The following GLT1D1 variants were observed in gnomAD, a reference collection of about 807,000 sequenced individuals.
GLT1D1 encodes glycosyltransferase 1 domain-containing protein 1.
GLT1D1 carries 21 observed loss-of-function variants against 28.7 expected under a neutral mutation model. The observed-to-expected ratio is 0.73, with a 90% CI of 0.52 to 1.05. The LOEUF (loss-of-function observed/expected upper bound fraction) is 1.05, where lower values mean the gene tolerates loss of function less well. GLT1D1 is among the 50% of genes least tolerant of loss of function. The pLI is 0.00. For missense variants in GLT1D1, 343 were observed against 330.6 expected, an observed-to-expected ratio of 1.04 and a Z score of -0.29; for synonymous variants, 147 against 124.8, an observed-to-expected ratio of 1.18 and a Z score of -1.19.
intron 2 of GLT1D1, among the ~76,000 whole-genome samples, chr12:128,881,228 A>C (rs970043184): frequency 6.1e-4 from 61 of 100,164 alleles, no homozygotes; most frequent in African/African-American, 2.8e-3. Context: ...CGTTTCAAAA[A>C]AAAAAAAAAA....
intron 1 of GLT1D1, 87 bp from the exon 2 acceptor site, chr12:128,875,822 CAAAAA>C: frequency 9.9e-7 from 1 of 1,012,628 alleles, no homozygotes; most frequent in Non-Finnish European, 1.4e-6. Context: ...CAACAACAAC[CAAAAA>C]AAAAAAAAGT....
intron 3 of GLT1D1, among the ~76,000 whole-genome samples, chr12:128,894,052 C>T (rs963973344): frequency 6.6e-6 from 1 of 152,166 alleles, no homozygotes; most frequent in Non-Finnish European, 1.5e-5. Context: ...AGTTTCCTTG[C>T]ACCTCTTGTT....
chr12:128,857,249 T>C (rs1008110382), intron 1 of GLT1D1, among the ~76,000 whole-genome samples: 1 of 152,046 alleles, frequency 6.6e-6, no homozygotes, highest in Non-Finnish European at 1.5e-5. Context: ...CTTTTGAAAG[T>C]GCCTGTCTTG....
Position 128,958,748 on chromosome 12 carries a change from CAAAAAAAA to C in GLT1D1, c.639+1127_639+1134del, listed in dbSNP as rs71072431. 2.4e-3 allele frequency among the ~76,000 whole-genome samples: 103 copies of C among 42,666 alleles called. 2 individuals are homozygous for C. In the South Asian group the frequency reaches 0.064, roughly 27 times the overall value. The allele number at this position is 42,666 out of a possible 152,430, so 28.0% of individuals were successfully genotyped here. A position where few individuals can be genotyped will look rare whatever the true frequency, so the allele number is the denominator to read the frequency against. On this transcript the variant is annotated intron_variant, in intron 7 of 7. Transcript: ENST00000281703. ...TAGGCAACAGAGTGGGACTCTGCCTCAAAAAAAAAAAAAAAAAAAAAAAAAAAAAGGAA... is the reference window on the plus strand; with the variant it reads ...TAGGCAACAGAGTGGGACTCTGCCTCAAAAAAAAAAAAAAAAAAAAAGGAA...
chr12:128,964,876 G>A (rs151156944), intron 7 of GLT1D1, among the ~76,000 whole-genome samples: 1 of 152,304 alleles, frequency 6.6e-6, no homozygotes, highest in East Asian at 1.9e-4. Context: ...ACAGTAGAGG[G>A]AATCACCTGG....
At chr12:128,977,716 G>A (rs1419850852) in intron 7 of GLT1D1, among the ~76,000 whole-genome samples, 1 of 151,348 alleles carries the variant, frequency 6.6e-6, no homozygotes, top group African/African-American at 2.4e-5. Context: ...ACTTGGTTTT[G>A]CTTTGAGTTT....
chr12:128,935,852 G>C (rs552333470), intron 4 of GLT1D1, among the ~76,000 whole-genome samples: 1 of 152,136 alleles, frequency 6.6e-6, no homozygotes, highest in South Asian at 2.1e-4. Context: ...TTGTAGTCCC[G>C]TACGAAATCC....
At chr12:128,942,822 C>T (rs780446859) in intron 4 of GLT1D1, among the ~76,000 whole-genome samples, 1 of 148,326 alleles carries the variant, frequency 6.7e-6, no homozygotes, top group Non-Finnish European at 1.5e-5. Context: ...ACGATCTAGG[C>T]TCACTGCAAC....
At chr12:128,966,469 T>C (rs187355665) in intron 7 of GLT1D1, among the ~76,000 whole-genome samples, 17 of 152,344 alleles carry the variant, frequency 1.1e-4, no homozygotes, top group Admixed American at 9.8e-4. Context: ...ATTTCATTCC[T>C]GGCATGTGTC....
chr12:128,895,889 A>G (rs1360989214), intron 3 of GLT1D1, among the ~76,000 whole-genome samples: 1 of 152,150 alleles, frequency 6.6e-6, no homozygotes, highest in Admixed American at 6.6e-5. Flanking sequence ...AATTAGTGAG[A>G]CTGAGATTGA....
chr12:128,917,919 C>G (rs1872267878), intron 4 of GLT1D1, among the ~76,000 whole-genome samples: 1 of 152,070 alleles, frequency 6.6e-6, no homozygotes, highest in South Asian at 2.1e-4. Context: ...TGTGGCAATT[C>G]CACAAAGATA....
At chr12:128,917,660 G>A (rs1872238449) in intron 4 of GLT1D1, among the ~76,000 whole-genome samples, 1 of 152,162 alleles carries the variant, frequency 6.6e-6, no homozygotes, top group Non-Finnish European at 1.5e-5. Flanking sequence ...CCCCAAGTCT[G>A]TTTTCATGCT....
chr12:128,874,876 A>G (rs533498267), intron 1 of GLT1D1, among the ~76,000 whole-genome samples: 2 of 152,160 alleles, frequency 1.3e-5, no homozygotes, highest in African/African-American at 4.8e-5. Context: ...CTTTTTCTAT[A>G]GTAACAGTCG....
intron 4 of GLT1D1, among the ~76,000 whole-genome samples, chr12:128,903,317 G>A (rs1451780982): frequency 6.6e-6 from 1 of 151,664 alleles, no homozygotes; most frequent in Non-Finnish European, 1.5e-5. Flanking sequence ...CCTGTTTTAG[G>A]CTCGGCAGGA....
intron 1 of GLT1D1, among the ~76,000 whole-genome samples, chr12:128,868,233 G>T (rs1956595674): frequency 6.6e-6 from 1 of 152,158 alleles, no homozygotes; most frequent in Non-Finnish European, 1.5e-5. Context: ...CCCAGGTCAG[G>T]CCCATGGAGA....
chr12:128,931,952 T>TG lies in GLT1D1; in HGVS notation c.376-13373dup, dbSNP rs540138093. ...ACACACACACACACAACGTTGGCCT[T>TG]GTATGTCCTACAAAATGCATCTCTG... is the stretch of plus-strand genomic sequence containing the variant. On this transcript the variant is annotated intron_variant, in intron 4 of 7. Transcript: ENST00000281703. Among the ~76,000 whole-genome samples, 226 of 135,752 alleles carry TG rather than the reference T, an allele frequency of 1.7e-3. 1 individual carries two copies. The highest frequency in any genetic ancestry group is 5.1e-3 in the African/African-American group (193 of 38,022). 89.1% of individuals were successfully genotyped at this position (135,752 alleles called of 152,430 possible). A position where few individuals can be genotyped will look rare whatever the true frequency, so the allele number is the denominator to read the frequency against.
intron 4 of GLT1D1, among the ~76,000 whole-genome samples, chr12:128,939,844 C>CCCCCG (rs1874975732): frequency 1.4e-5 from 2 of 145,326 alleles, no homozygotes; most frequent in Non-Finnish European, 1.5e-5. Flanking sequence ...GAAACCCCCC[C>CCCCCG]CCACCGCCGA....
intron 4 of GLT1D1, among the ~76,000 whole-genome samples, chr12:128,923,658 A>G (rs1353797861): frequency 6.6e-6 from 1 of 151,828 alleles, no homozygotes; most frequent in Non-Finnish European, 1.5e-5. Context: ...AGTAGCTGGG[A>G]TTACAAGTGC....
At chr12:128,861,238 T>G (rs948356836) in intron 1 of GLT1D1, among the ~76,000 whole-genome samples, 1 of 152,314 alleles carries the variant, frequency 6.6e-6, no homozygotes, top group South Asian at 2.1e-4. Flanking sequence ...TATTATACGC[T>G]TACGTGTTGT....
Sources: gnomAD v4.1 joint callset for allele counts (sites outside exome capture counted in the v4.1 genomes callset) on GRCh38, gnomAD v4.1.1 for gene constraint, MANE v1.5 for transcripts, NCBI Gene and HGNC (gene_info 2026-07-23, HGNC 2026-07-21) for gene names.